Variants in ANKRD36 observed in about 807,000 individuals in gnomAD.
ANKRD36 encodes the protein ankyrin repeat domain-containing protein 36A.
A neutral mutation model predicts 278.1 loss-of-function variants in ANKRD36; 179 were observed. The observed-to-expected ratio is 0.64, with a 90% CI of 0.57 to 0.73. ANKRD36 has a LOEUF of 0.73. ANKRD36 is among the 30% of genes least tolerant of loss of function. ANKRD36 has a pLI of 0.00. For missense variants in ANKRD36, 1,159 were observed against 1,956.7 expected, an observed-to-expected ratio of 0.59 and a Z score of 7.69; for synonymous variants, 320 against 641.1, an observed-to-expected ratio of 0.50 and a Z score of 7.57.
chr2:97,200,407 C>G (rs772121779), intron 45 of ANKRD36, 45 bp downstream of exon 45: 9 of 1,602,732 alleles, frequency 5.6e-6, no homozygotes, highest in Non-Finnish European at 7.6e-6. Context: ...AACGTATAGC[C>G]TATGAAACAT....
chr2:97,229,581 C>G (rs2071178720), intron 67 of ANKRD36, among the ~76,000 whole-genome samples: 1 of 152,096 alleles, frequency 6.6e-6, no homozygotes, highest in Non-Finnish European at 1.5e-5. Flanking sequence ...TGGATCTTGA[C>G]TCTTTATCCA....
intron 6 of ANKRD36, among the ~76,000 whole-genome samples, chr2:97,140,342 C>T (rs1466012243): frequency 2.6e-5 from 4 of 151,718 alleles, no homozygotes; most frequent in African/African-American, 9.7e-5. Flanking sequence ...TTTCAGAACC[C>T]ATTTCTCTGG....
At chr2:97,202,107 C>G in intron 46 of ANKRD36, 95 bp from the exon 47 acceptor site, 1 of 1,582,256 alleles carries the variant, frequency 6.3e-7, no homozygotes. Flanking sequence ...CTAATACAGG[C>G]AGGAGGACAG....
chr2:97,219,448 AG>A (rs2153645859), intron 66 of ANKRD36, among the ~76,000 whole-genome samples: 1 of 152,154 alleles, frequency 6.6e-6, no homozygotes, highest in African/African-American at 2.4e-5. Flanking sequence ...TTAAAACATA[AG>A]GTTTTTTTGT....
intron 6 of ANKRD36, among the ~76,000 whole-genome samples, chr2:97,134,964 G>A (rs996927914): frequency 7.9e-5 from 12 of 151,986 alleles, no homozygotes; most frequent in Admixed American, 7.2e-4. Flanking sequence ...CCCTACATAG[G>A]GTGAATGAAT....
At chr2:97,124,005 A>C (rs1202394300) in intron 4 of ANKRD36, among the ~76,000 whole-genome samples, 1 of 149,762 alleles carries the variant, frequency 6.7e-6, no homozygotes, top group Non-Finnish European at 1.5e-5. Flanking sequence ...TCACACGCTT[A>C]TCAGCATCAT....
chr2:97,199,192 C>G (rs145050756), intron 44 of ANKRD36, among the ~76,000 whole-genome samples: 2 of 151,732 alleles, frequency 1.3e-5, no homozygotes, highest in African/African-American at 4.8e-5. Flanking sequence ...CCTGAGTGAA[C>G]TCACTTCAGA....
chr2:97,210,609 C>G (rs946277468), intron 56 of ANKRD36, among the ~76,000 whole-genome samples: 6 of 151,744 alleles, frequency 4.0e-5, no homozygotes, highest in South Asian at 2.1e-4. Flanking sequence ...GAATAAATTT[C>G]CTTCCTTGTT....
chr2:97,181,856 C>T lies in ANKRD36; in HGVS notation c.1837+63C>T, dbSNP rs1218179629. 6.6e-6 allele frequency: 7 copies of T among 1,068,678 alleles called. 1 individual carries two copies. The highest frequency in any genetic ancestry group is 3.6e-5 in the South Asian group (3 of 82,828). The allele number at this position is 1,068,678 out of a possible 1,614,324, so 66.2% of individuals were successfully genotyped here. On this transcript the variant is annotated intron_variant, in intron 26 of 75. Coordinates refer to ENST00000420699, the MANE Select transcript of ANKRD36 (RefSeq NM_001354587.1). The stretch of plus-strand genomic sequence containing the variant: ...AAGATAGAAAAGTACTTCTCTTCCC[C>T]GAATAAATCAGCAGGGGATTCATTG...
At chr2:97,160,532 G>T (rs373478927) in intron 17 of ANKRD36, among the ~76,000 whole-genome samples, 1 of 152,052 alleles carries the variant, frequency 6.6e-6, no homozygotes, top group South Asian at 2.1e-4. Flanking sequence ...CTCTTCATGT[G>T]AGTATTGGGT....
intron 67 of ANKRD36, among the ~76,000 whole-genome samples, chr2:97,231,078 C>T (rs953915968): frequency 1.3e-4 from 20 of 152,094 alleles, no homozygotes; most frequent in African/African-American, 1.9e-4. Context: ...TTAGGCTGCT[C>T]GGGGGTCAGT....
At chr2:97,142,476 A>G (rs1286166273) in intron 6 of ANKRD36, among the ~76,000 whole-genome samples, 164 bp from the exon 7 acceptor site, 1 of 152,256 alleles carries the variant, frequency 6.6e-6, no homozygotes, top group Non-Finnish European at 1.5e-5. Context: ...TGTTTTCTTC[A>G]GTGTATTTCT....
In ANKRD36 at chr2:97,202,503, A is replaced by G. The variant is rs116237095; in HGVS notation, c.2959+110A>G. 5.2e-3 allele frequency: 7,666 copies of G among 1,472,640 alleles called. 410 individuals are homozygous for G. In the African/African-American group the frequency reaches 0.099, roughly 19 times the overall value. 91.2% of individuals were successfully genotyped at this position (1,472,640 alleles called of 1,614,324 possible). On this transcript the variant is annotated intron_variant, in intron 48 of 75. Transcript: ENST00000420699. ...TCGAAGCTGCACTTTCTGATTCAGC[A>G]GGCTGGAGATTCTTCATTTGTAGTA...
intron 68 of ANKRD36, among the ~76,000 whole-genome samples, chr2:97,235,173 G>A (rs1244957993): frequency 6.6e-6 from 1 of 151,550 alleles, no homozygotes; most frequent in Admixed American, 6.6e-5. Flanking sequence ...TCCATCTTGA[G>A]TTTCCTTTTG....
chr2:97,196,977 A>T (rs1267175593), intron 42 of ANKRD36, among the ~76,000 whole-genome samples, 189 bp downstream of exon 42: 2 of 151,928 alleles, frequency 1.3e-5, no homozygotes, highest in Non-Finnish European at 2.9e-5. Context: ...TCGCCGTAAG[A>T]TTATACACTT....
chr2:97,186,013 A>C (rs1469817605), intron 30 of ANKRD36, among the ~76,000 whole-genome samples: 2 of 151,756 alleles, frequency 1.3e-5, no homozygotes, highest in East Asian at 3.9e-4. Context: ...TTATTTATGC[A>C]ATTTTGGGGT....
rs766178685 is a variant in ANKRD36, at chr2:97,198,455, CT to C, written c.2654-4del. ...TATGAGTGATTATGAATCCCTTTTACTTTTCAGTGTCTTCTGAGAAACCACC... is the reference window on the plus strand; with the variant it reads ...TATGAGTGATTATGAATCCCTTTTACTTTCAGTGTCTTCTGAGAAACCACC... On this transcript the variant is annotated splice_polypyrimidine_tract_variant and splice_region_variant and intron_variant, in intron 42 of 75. Transcript: ENST00000420699. 3.2e-6 allele frequency: 5 copies of C among 1,577,418 alleles called. No homozygotes were observed. In the Admixed American group the frequency reaches 5.5e-5, roughly 17 times the overall value.
chr2:97,194,394 C>T (rs1258903431), intron 38 of ANKRD36, among the ~76,000 whole-genome samples: 2 of 151,622 alleles, frequency 1.3e-5, no homozygotes, highest in African/African-American at 4.8e-5. Flanking sequence ...GACATTGATT[C>T]TCAGGTGTGT....
At chr2:97,228,701 C>T (rs1417771677) in intron 67 of ANKRD36, among the ~76,000 whole-genome samples, 8 of 151,208 alleles carry the variant, frequency 5.3e-5, no homozygotes, top group African/African-American at 2.0e-4. Flanking sequence ...TTTGCTCTTG[C>T]TTTTCTAGTT....
Sources: gnomAD v4.1 joint callset for allele counts (sites outside exome capture counted in the v4.1 genomes callset) on GRCh38, gnomAD v4.1.1 for gene constraint, MANE v1.5 for transcripts, NCBI Gene and HGNC (gene_info 2026-07-23, HGNC 2026-07-21) for gene names.